The following ANKS6 variants were observed in gnomAD, a reference collection of about 807,000 sequenced individuals.
ANKS6 encodes the protein ankyrin repeat and SAM domain-containing protein 6.
A neutral mutation model predicts 77.9 loss-of-function variants in ANKS6; 47 were observed. The ratio of observed to expected loss-of-function variants is 0.60; its 90% CI spans 0.48 to 0.77. The LOEUF is 0.77. ANKS6 is among the 30% of genes least tolerant of loss of function. The pLI is 0.00. For missense variants in ANKS6, 1,150 were observed against 1,159.1 expected (o/e 0.99, Z 0.11); for synonymous variants, 488 against 501.7 (o/e 0.97, Z 0.37).
intron 1 of ANKS6, among the ~76,000 whole-genome samples, chr9:98,795,573 T>A (rs1385112780): frequency 6.6e-6 from 1 of 152,222 alleles, no homozygotes; most frequent in Non-Finnish European, 1.5e-5. Flanking sequence ...CCTCCCATCA[T>A]GCCTTCCCAC....
chr9:98,736,695 T>C (rs1831519936), intron 14 of ANKS6, 72 bp from the exon 15 acceptor site: 1 of 1,503,914 alleles, frequency 6.6e-7, no homozygotes, highest in Non-Finnish European at 9.0e-7. Flanking sequence ...ATTGACACAG[T>C]GTTGTTAATG....
At chr9:98,766,309 A>G (rs1833285443) in intron 11 of ANKS6, among the ~76,000 whole-genome samples, 2 of 152,332 alleles carry the variant, frequency 1.3e-5, no homozygotes, top group South Asian at 4.1e-4. Flanking sequence ...AATATAATTT[A>G]TAACTTGGAA....
chr9:98,737,815 G>A (rs1003588292), intron 14 of ANKS6, among the ~76,000 whole-genome samples: 2 of 152,126 alleles, frequency 1.3e-5, no homozygotes, highest in Admixed American at 6.5e-5. Flanking sequence ...GAGGCATCAC[G>A]TTACCTGATT....
chr9:98,775,166 C>A (rs1833860497), intron 8 of ANKS6, among the ~76,000 whole-genome samples: 2 of 152,250 alleles, frequency 1.3e-5, no homozygotes, highest in African/African-American at 4.8e-5. Context: ...AAATCCACCA[C>A]CACAAAAGGG....
At chr9:98,761,569 AT>A (rs1365322130) in intron 11 of ANKS6, among the ~76,000 whole-genome samples, 4 of 152,208 alleles carry the variant, frequency 2.6e-5, no homozygotes, top group South Asian at 2.1e-4. Flanking sequence ...AAATTTGCCA[AT>A]TTTTTCTTTT....
At chr9:98,758,809 C>T (rs1455717873) in intron 11 of ANKS6, among the ~76,000 whole-genome samples, 1 of 152,052 alleles carries the variant, frequency 6.6e-6, no homozygotes, top group African/African-American at 2.4e-5. Context: ...TGTACATGTA[C>T]ACAAAAAAAT....
chr9:98,787,418 T>A (rs1834635538), intron 2 of ANKS6, among the ~76,000 whole-genome samples: 1 of 151,248 alleles, frequency 6.6e-6, no homozygotes, highest in East Asian at 2.0e-4. Flanking sequence ...CCTATCCTAC[T>A]ATATATTTAA....
At chr9:98,769,071 G>A (rs1833477055) in intron 10 of ANKS6, among the ~76,000 whole-genome samples, 1 of 149,870 alleles carries the variant, frequency 6.7e-6, no homozygotes, top group South Asian at 2.1e-4. Context: ...AGGCTGCAGT[G>A]AGTGAAGATC....
chr9:98,745,432 A>G, intron 14 of ANKS6, 127 bp downstream of exon 14: 1 of 870,198 alleles, frequency 1.1e-6, no homozygotes, highest in South Asian at 1.6e-5. Context: ...GGAAAAGGCC[A>G]TGCTGGGAGG....
intron 8 of ANKS6, among the ~76,000 whole-genome samples, chr9:98,776,683 G>A (rs1833938500): frequency 6.6e-6 from 1 of 152,170 alleles, no homozygotes; most frequent in Non-Finnish European, 1.5e-5. Context: ...TTACAGGCAT[G>A]AGCTACTGTG....
chr9:98,750,950 A>G, intron 13 of ANKS6, 79 bp downstream of exon 13: 1 of 1,205,060 alleles, frequency 8.3e-7, no homozygotes, highest in Admixed American at 2.0e-5. Flanking sequence ...CTAGGCTTGC[A>G]AAATGAAAAC....
chr9:98,772,530 C>G (rs1833698189), intron 9 of ANKS6, among the ~76,000 whole-genome samples: 2 of 152,188 alleles, frequency 1.3e-5, no homozygotes, highest in South Asian at 4.1e-4. Flanking sequence ...AACGAAGGTC[C>G]TCTTGTTGGT....
At chr9:98,748,624 C>T (rs1029972063) in intron 13 of ANKS6, among the ~76,000 whole-genome samples, 2 of 152,136 alleles carry the variant, frequency 1.3e-5, no homozygotes, top group African/African-American at 2.4e-5. Context: ...GATGTGATGG[C>T]TGGAGCTCCA....
intron 10 of ANKS6, among the ~76,000 whole-genome samples, chr9:98,770,581 AG>A (rs931454543): frequency 6.6e-6 from 1 of 152,136 alleles, no homozygotes; most frequent in African/African-American, 2.4e-5. Context: ...GAAGCTCTCC[AG>A]GGTCTAACCT....
intron 10 of ANKS6, among the ~76,000 whole-genome samples, chr9:98,769,468 A>G (rs1833506604): frequency 6.6e-6 from 1 of 152,252 alleles, no homozygotes; most frequent in African/African-American, 2.4e-5. Flanking sequence ...CTCAGTGTTC[A>G]ACACAGGGAA....
At chr9:98,741,927 CCT>C (rs1831855915) in intron 14 of ANKS6, among the ~76,000 whole-genome samples, 1 of 152,156 alleles carries the variant, frequency 6.6e-6, no homozygotes, top group Non-Finnish European at 1.5e-5. Flanking sequence ...TATATCACAC[CCT>C]GTTTTCATGT....
rs139567657 is a variant in ANKS6, at chr9:98,741,493, T to C, written c.2511+4066A>G. On this transcript the variant is annotated intron_variant, in intron 14 of 14. Transcript: ENST00000353234. Reference sequence around the variant, plus strand: ...TAATCTGCCCAAAGGTGAACAATGTTGGCCTCTGAGTGATTGGATTGTGAT... The same window carrying C: ...TAATCTGCCCAAAGGTGAACAATGTCGGCCTCTGAGTGATTGGATTGTGAT... 7.1e-3 allele frequency among the ~76,000 whole-genome samples: 1,077 copies of C among 152,364 alleles called. 12 individuals are homozygous for C. The highest frequency in any genetic ancestry group is 0.025 in the African/African-American group (1,026 of 41,588).
At position 98,784,141 on chromosome 9, in the gene ANKS6, G is replaced by A; in HGVS notation, c.924C>T (p.Val308=). The change falls in exon 4 of 15, where the codon GTC becomes GTT. Residue 308 remains valine (V), a synonymous_variant. Transcript: ENST00000353234. ...HALKMGNFQL[V]KEIADEDPSH... ...TGGGGTCTTCATCGGCAATCTCTTT[G>A]ACCAGCTGGAAGTTTCCTGCAAACA... 6.5e-7 allele frequency: 1 copy of A among 1,536,632 alleles called. No individual in the cohort carries two copies. Among genetic ancestry groups the A allele is most frequent in the Non-Finnish European group, 8.8e-7 (1 of 1,134,662 alleles).
At chr9:98,768,319 T>G in intron 10 of ANKS6, 69 bp from the exon 11 acceptor site, 1 of 1,573,758 alleles carries the variant, frequency 6.4e-7, no homozygotes, top group Non-Finnish European at 8.7e-7. Flanking sequence ...GGTGGTGGAC[T>G]GTCGTGTGAT....
Sources: gnomAD v4.1 joint callset for allele counts (sites outside exome capture counted in the v4.1 genomes callset) on GRCh38, gnomAD v4.1.1 for gene constraint, MANE v1.5 for transcripts, NCBI Gene and HGNC (gene_info 2026-07-23, HGNC 2026-07-21) for gene names.